Variants in NKAIN2 observed in about 807,000 individuals in gnomAD.
NKAIN2 encodes sodium/potassium-transporting ATPase subunit beta-1-interacting protein 2.
Under a neutral mutation model 32.6 loss-of-function variants are expected in NKAIN2, and 14 were observed. The ratio of observed to expected loss-of-function variants is 0.43; its 90% CI spans 0.28 to 0.67. The LOEUF is 0.67. Among genes scored for constraint, NKAIN2 ranks in the 30% least tolerant of loss-of-function variants. The probability of loss-of-function intolerance (pLI) is 0.17; values close to 1 mark genes in which losing one functional copy is unlikely to be tolerated. For synonymous variants in NKAIN2, 80 were observed against 87.2 expected (o/e 0.92, Z 0.46); for missense variants, 198 against 258.3 (o/e 0.77, Z 1.60).
At chr6:124,709,326 T>A (rs1304584622) in intron 4 of NKAIN2, among the ~76,000 whole-genome samples, 1 of 149,992 alleles carries the variant, frequency 6.7e-6, no homozygotes, top group South Asian at 2.1e-4. Flanking sequence ...TCTGCCAGGC[T>A]TTGGTATCAG....
chr6:124,283,291 A>G (rs1795389759), intron 2 of NKAIN2, 149 bp downstream of exon 2: 3 of 574,856 alleles, frequency 5.2e-6, no homozygotes, highest in Non-Finnish European at 9.1e-6. Context: ...ATAGTTTCAG[A>G]TTCCATCAAC....
At chr6:124,175,993 A>G (rs1161888800) in intron 1 of NKAIN2, among the ~76,000 whole-genome samples, 1 of 152,028 alleles carries the variant, frequency 6.6e-6, no homozygotes, top group Non-Finnish European at 1.5e-5. Flanking sequence ...GAAATTTTCT[A>G]GTTTATGCAG....
chr6:124,367,425 T>A (rs191201724), intron 3 of NKAIN2, among the ~76,000 whole-genome samples: 102 of 152,274 alleles, frequency 6.7e-4, no homozygotes, highest in South Asian at 1.2e-3. Context: ...CACTATTGCA[T>A]GGATAATGAG....
intron 4 of NKAIN2, among the ~76,000 whole-genome samples, chr6:124,700,935 G>A (rs960000989): frequency 5.6e-5 from 8 of 142,468 alleles, no homozygotes; most frequent in Admixed American, 1.4e-4. Context: ...CTATGTATGC[G>A]TGAATATAGA....
intron 3 of NKAIN2, among the ~76,000 whole-genome samples, chr6:124,471,323 A>G (rs1776965171): frequency 6.6e-6 from 1 of 152,090 alleles, no homozygotes; most frequent in Admixed American, 6.6e-5. Flanking sequence ...TCTCCCATAT[A>G]TTATTTTCTT....
At chr6:124,048,189 G>A (rs1158339898) in intron 1 of NKAIN2, among the ~76,000 whole-genome samples, 5 of 151,930 alleles carry the variant, frequency 3.3e-5, no homozygotes, top group Non-Finnish European at 7.4e-5. Flanking sequence ...GGTTGCTCCT[G>A]AAGAGGGATA....
chr6:124,243,938 C>T (rs1349214984), intron 1 of NKAIN2, among the ~76,000 whole-genome samples: 1 of 151,882 alleles, frequency 6.6e-6, no homozygotes, highest in African/African-American at 2.4e-5. Flanking sequence ...TTTATAATGA[C>T]AATAATTTGA....
chr6:124,508,256 C>CA (rs912109238), intron 3 of NKAIN2, among the ~76,000 whole-genome samples: 16 of 151,234 alleles, frequency 1.1e-4, no homozygotes, highest in African/African-American at 2.7e-4. Flanking sequence ...GATCCGGCCT[C>CA]AAAAAAATAA....
intron 1 of NKAIN2, among the ~76,000 whole-genome samples, chr6:124,243,049 A>T (rs1793196599): frequency 6.6e-6 from 1 of 151,890 alleles, no homozygotes; most frequent in Non-Finnish European, 1.5e-5. Context: ...AAAAAAAAAA[A>T]AACCCAAGGG....
intron 1 of NKAIN2, among the ~76,000 whole-genome samples, chr6:123,968,082 G>A (rs1038707811): frequency 9.2e-5 from 14 of 152,200 alleles, no homozygotes; most frequent in African/African-American, 3.1e-4. Flanking sequence ...GCTGGAAAGC[G>A]CAGCCACTTG....
At chr6:123,991,880 A>G (rs1381230920) in intron 1 of NKAIN2, among the ~76,000 whole-genome samples, 10 of 151,976 alleles carry the variant, frequency 6.6e-5, no homozygotes, top group Admixed American at 2.0e-4. Context: ...GTGTGTGTGT[A>G]TATATATACA....
intron 1 of NKAIN2, among the ~76,000 whole-genome samples, chr6:124,111,737 T>G (rs116585439): frequency 0.01 from 1,554 of 152,154 alleles, 29 homozygotes; most frequent in African/African-American, 0.035. Context: ...ACAGTACTTT[T>G]GTATGTCTTC....
At chr6:123,922,735 T>C (rs1383705404) in intron 1 of NKAIN2, among the ~76,000 whole-genome samples, 1 of 152,160 alleles carries the variant, frequency 6.6e-6, no homozygotes, top group Non-Finnish European at 1.5e-5. Context: ...CTCAGTTATA[T>C]TTCTCAGTTG....
chr6:124,375,482 G>A (rs1004540614), intron 3 of NKAIN2, among the ~76,000 whole-genome samples: 21 of 148,826 alleles, frequency 1.4e-4, no homozygotes, highest in East Asian at 9.8e-4. Flanking sequence ...TTGATAATGC[G>A]TCAAAGGAAT....
intron 3 of NKAIN2, among the ~76,000 whole-genome samples, chr6:124,425,874 AT>A: frequency 6.6e-6 from 1 of 152,152 alleles, no homozygotes; most frequent in Non-Finnish European, 1.5e-5. Flanking sequence ...TCACAATATG[AT>A]TTTTTTGCCT....
chr6:124,651,019 G>A (rs2114396586), intron 3 of NKAIN2, among the ~76,000 whole-genome samples: 1 of 152,268 alleles, frequency 6.6e-6, no homozygotes, highest in East Asian at 1.9e-4. Context: ...ACAGACATAA[G>A]GTAGACATTC....
chr6:124,192,588 T>C (rs1027455156), intron 1 of NKAIN2, among the ~76,000 whole-genome samples: 1 of 152,134 alleles, frequency 6.6e-6, no homozygotes, highest in African/African-American at 2.4e-5. Flanking sequence ...TAGTGTTCAA[T>C]AAAAGTTAAT....
intron 3 of NKAIN2, among the ~76,000 whole-genome samples, chr6:124,574,313 TAAA>T (rs11326982): frequency 6.7e-6 from 1 of 150,182 alleles, no homozygotes; most frequent in Non-Finnish European, 1.5e-5. Context: ...CAGAAAAAGT[TAAA>T]AAAAAAAAAA....
At chr6:124,248,091 A>G (rs1221265720) in intron 1 of NKAIN2, among the ~76,000 whole-genome samples, 1 of 152,114 alleles carries the variant, frequency 6.6e-6, no homozygotes, top group Non-Finnish European at 1.5e-5. Context: ...CAAAAAAGAC[A>G]AAAACAAATG....
Sources: gnomAD v4.1 joint callset for allele counts (sites outside exome capture counted in the v4.1 genomes callset) on GRCh38, gnomAD v4.1.1 for gene constraint, MANE v1.5 for transcripts, NCBI Gene and HGNC (gene_info 2026-07-23, HGNC 2026-07-21) for gene names.